ASAP1: variants seen among roughly 807,000 people sequenced by gnomAD.
ASAP1 encodes the protein arf-GAP with SH3 domain, ANK repeat and PH domain-containing protein 1.
In ASAP1, 43 loss-of-function variants were observed where a neutral mutation model predicts 145.2. That is an observed-to-expected ratio of 0.30 (90% CI 0.23 to 0.38). ASAP1 has a LOEUF of 0.38. Among genes scored for constraint, ASAP1 ranks in the 10% least tolerant of loss-of-function variants. The pLI is 1.00. For missense variants in ASAP1, 1,018 were observed against 1,355.3 expected (o/e 0.75, Z 3.91); for synonymous variants, 546 against 515.5 (o/e 1.06, Z -0.80).
chr8:130,359,790 A>AT (rs1232117254), intron 2 of ASAP1, among the ~76,000 whole-genome samples: 2 of 152,116 alleles, frequency 1.3e-5, no homozygotes, highest in African/African-American at 2.4e-5. Context: ...CGCCCGGCTA[A>AT]TTTTTTGTAT....
intron 15 of ASAP1, among the ~76,000 whole-genome samples, chr8:130,134,046 G>C (rs568794199): frequency 6.6e-6 from 1 of 152,344 alleles, no homozygotes; most frequent in Non-Finnish European, 1.5e-5. Flanking sequence ...GCAAGGAGTA[G>C]TGAGCTATAA....
intron 3 of ASAP1, among the ~76,000 whole-genome samples, chr8:130,332,821 A>G (rs1824782546): frequency 6.6e-6 from 1 of 152,208 alleles, no homozygotes; most frequent in Non-Finnish European, 1.5e-5. Context: ...CACATGCAGC[A>G]CAACAGGCAC....
At chr8:130,212,577 A>G (rs1406274740) in intron 5 of ASAP1, among the ~76,000 whole-genome samples, 1 of 152,240 alleles carries the variant, frequency 6.6e-6, no homozygotes, top group African/African-American at 2.4e-5. Context: ...AATTTGCCTC[A>G]GTTTCCTCAT....
intron 3 of ASAP1, among the ~76,000 whole-genome samples, chr8:130,307,767 A>G (rs181214418): frequency 1.1e-3 from 175 of 152,338 alleles, no homozygotes; most frequent in South Asian, 3.9e-3. Flanking sequence ...AGCCTGCGGA[A>G]AGTCAAAACA....
At chr8:130,432,901 T>A (rs1830186498) in intron 1 of ASAP1, among the ~76,000 whole-genome samples, 1 of 152,136 alleles carries the variant, frequency 6.6e-6, no homozygotes, top group Non-Finnish European at 1.5e-5. Flanking sequence ...AGGGTGGACA[T>A]CTGAAGATCA....
intron 5 of ASAP1, among the ~76,000 whole-genome samples, chr8:130,188,537 C>T (rs1814898527): frequency 6.6e-6 from 1 of 151,774 alleles, no homozygotes; most frequent in South Asian, 2.1e-4. Flanking sequence ...AGTTCGAGAC[C>T]AGCCTGGCCA....
intron 3 of ASAP1, among the ~76,000 whole-genome samples, chr8:130,354,350 C>CCATG (rs914584461): frequency 6.6e-6 from 1 of 152,114 alleles, no homozygotes; most frequent in Admixed American, 6.5e-5. Context: ...AGCATTCATG[C>CCATG]CATGTGTCGA....
chr8:130,416,832 A>G (rs1332384397), intron 1 of ASAP1, among the ~76,000 whole-genome samples: 1 of 152,248 alleles, frequency 6.6e-6, no homozygotes, highest in Non-Finnish European at 1.5e-5. Flanking sequence ...CACTGTGGGA[A>G]AGAGCATCAG....
intron 3 of ASAP1, among the ~76,000 whole-genome samples, chr8:130,297,332 A>G (rs1032297770): frequency 6.6e-6 from 1 of 152,170 alleles, no homozygotes. Flanking sequence ...AACCTTCCTT[A>G]TAAGTAGGTT....
chr8:130,361,547 C>T, intron 2 of ASAP1: 1 of 743,658 alleles, frequency 1.3e-6, no homozygotes, highest in South Asian at 1.5e-5. Context: ...TGTATCTGCT[C>T]CTCCCCCATC....
At chr8:130,095,480 T>C (rs1240257983) in intron 24 of ASAP1, among the ~76,000 whole-genome samples, 2 of 151,872 alleles carry the variant, frequency 1.3e-5, no homozygotes, top group African/African-American at 4.8e-5. Flanking sequence ...TTTGTATTTT[T>C]AGTAGAGATG....
intron 25 of ASAP1, among the ~76,000 whole-genome samples, chr8:130,081,829 CATT>C (rs1381299381): frequency 1.3e-5 from 2 of 152,188 alleles, no homozygotes; most frequent in Non-Finnish European, 2.9e-5. Context: ...CTGATAGTAA[CATT>C]ATTAACAGCA....
chr8:130,117,053 G>T, intron 20 of ASAP1, 58 bp from the exon 21 acceptor site: 1 of 1,216,774 alleles, frequency 8.2e-7, no homozygotes, highest in Non-Finnish European at 1.2e-6. Flanking sequence ...TAAAACTATA[G>T]ATTAGCCACT....
At chr8:130,415,963 T>C (rs1444749722) in intron 1 of ASAP1, among the ~76,000 whole-genome samples, 1 of 152,164 alleles carries the variant, frequency 6.6e-6, no homozygotes, top group Non-Finnish European at 1.5e-5. Flanking sequence ...GAAATTTTAC[T>C]GCCTGTAAAC....
intron 3 of ASAP1, among the ~76,000 whole-genome samples, chr8:130,304,690 T>C (rs1009573928): frequency 6.6e-6 from 1 of 152,228 alleles, no homozygotes; most frequent in African/African-American, 2.4e-5. Flanking sequence ...ACCAACTAAA[T>C]GATGATCTCA....
chr8:130,148,078 C>T (rs2097636845), intron 13 of ASAP1, among the ~76,000 whole-genome samples: 1 of 152,328 alleles, frequency 6.6e-6, no homozygotes, highest in East Asian at 1.9e-4. Flanking sequence ...TCCTCCCTTC[C>T]CGGAATCCCT....
chr8:130,378,729 C>T (rs564352278), intron 2 of ASAP1, among the ~76,000 whole-genome samples: 1 of 152,260 alleles, frequency 6.6e-6, no homozygotes, highest in South Asian at 2.1e-4. Flanking sequence ...TTGGGCCTGC[C>T]CTGGGCACCG....
At chr8:130,187,394 G>A in intron 6 of ASAP1, 109 bp from the exon 7 acceptor site, 1 of 899,302 alleles carries the variant, frequency 1.1e-6, no homozygotes, top group Non-Finnish European at 1.7e-6. Flanking sequence ...AGGACACTGG[G>A]AACTTCACTT....
intron 3 of ASAP1, among the ~76,000 whole-genome samples, chr8:130,345,145 T>C (rs10109236): frequency 0.81 from 123,223 of 152,108 alleles, 50,426 homozygotes; most frequent in African/African-American, 0.92. Flanking sequence ...TAACAAAGTG[T>C]TGTGTGGACG....
Sources: allele counts gnomAD v4.1 joint callset (sites outside exome capture counted in the v4.1 genomes callset), GRCh38; gene constraint gnomAD v4.1.1; transcripts MANE v1.5; gene names NCBI Gene and HGNC (gene_info 2026-07-23, HGNC 2026-07-21).